The following PARP6 variants were observed in gnomAD, a reference collection of about 807,000 sequenced individuals.
PARP6 encodes protein mono-ADP-ribosyltransferase PARP6.
A neutral mutation model predicts 92.0 loss-of-function variants in PARP6; 27 were observed. That is an observed-to-expected ratio of 0.29 (90% CI 0.22 to 0.40). The LOEUF (loss-of-function observed/expected upper bound fraction) is 0.40, where lower values mean the gene tolerates loss of function less well. Among genes scored for constraint, PARP6 ranks in the 10% least tolerant of loss-of-function variants. The pLI, the probability that PARP6 is intolerant of heterozygous loss-of-function variation, is 1.00. For synonymous variants in PARP6, 272 were observed against 281.2 expected (o/e 0.97, Z 0.33); for missense variants, 501 against 784.5 (o/e 0.64, Z 4.32).
intron 9 of PARP6, among the ~76,000 whole-genome samples, chr15:72,261,017 T>TAG (rs1238608474): frequency 4.0e-5 from 6 of 151,464 alleles, no homozygotes; most frequent in Non-Finnish European, 7.4e-5. Flanking sequence ...GAAAAAAAAA[T>TAG]AGAGAGAGAG....
Position 72,249,330 on chromosome 15 carries a change from C to G in PARP6, c.1492-16G>C. The G allele has an allele frequency of 6.5e-7, 1 of 1,536,960 alleles. No individual in the cohort carries two copies. The highest frequency in any genetic ancestry group is 9.0e-7 in the Non-Finnish European group (1 of 1,116,220). ...CTCCATGCAGCTTGCAGGGAAACAC[C>G]AGGATGAGTAATATGAGCCTGGGCC... On this transcript the variant is annotated splice_polypyrimidine_tract_variant and intron_variant, in intron 19 of 23. Transcript: ENST00000569795.
At chr15:72,245,989 A>T (rs953004362) in intron 20 of PARP6, among the ~76,000 whole-genome samples, 1 of 152,216 alleles carries the variant, frequency 6.6e-6, no homozygotes, top group Non-Finnish European at 1.5e-5. Flanking sequence ...GACAAAGATA[A>T]AAAGTGAAGA....
At chr15:72,257,542 G>A in intron 12 of PARP6, 102 bp from the exon 13 acceptor site, 3 of 844,566 alleles carry the variant, frequency 3.6e-6, no homozygotes, top group Non-Finnish European at 5.9e-6. Context: ...AACAGGGTAG[G>A]AATTTGAGGC....
chr15:72,272,510 C>G lies in PARP6; in HGVS notation c.-577G>C, dbSNP rs2087596114. On this transcript the variant is annotated 5_prime_UTR_variant, in exon 1 of 24. Transcript: ENST00000569795. ...AGCCTGGCGAGTACTCACGGCGACC[C>G]CGGGCCGCGCGCGGCCGCAGCCGAC... The G allele has an allele frequency of 6.6e-6, 1 of 150,996 alleles. No homozygotes were observed. Among genetic ancestry groups the G allele is most frequent in the Admixed American group, 6.6e-5 (1 of 15,148 alleles). 9.4% of individuals were successfully genotyped at this position (150,996 alleles called of 1,614,324 possible).
intron 12 of PARP6, 110 bp from the exon 13 acceptor site, chr15:72,257,550 G>A: frequency 1.3e-6 from 1 of 794,106 alleles, no homozygotes; most frequent in East Asian, 2.5e-5. Flanking sequence ...AGGAATTTGA[G>A]GCCCTCTATA....
intron 12 of PARP6, among the ~76,000 whole-genome samples, chr15:72,257,671 G>A (rs2085310947): frequency 6.6e-6 from 1 of 152,228 alleles, no homozygotes; most frequent in Non-Finnish European, 1.5e-5. Context: ...GAAGTCAGAT[G>A]TTCTCTCACC....
intron 11 of PARP6, 70 bp downstream of exon 11, chr15:72,259,538 G>C (rs1003069409): frequency 8.5e-7 from 1 of 1,180,520 alleles, no homozygotes; most frequent in Non-Finnish European, 1.3e-6. Flanking sequence ...GAGGAGCTGG[G>C]AGGTGTTAGG....
Position 72,267,663 on chromosome 15 carries a change from GTCA to G in PARP6, c.-189_-187del. On this transcript the variant is annotated 5_prime_UTR_variant, in exon 3 of 24. Transcript: ENST00000569795. ...GGCTCTGCTGTTGCGGTGGTAACAAGTCACTGTCCTGTGGAAAGTAGATAATAA... is the reference window on the plus strand; with the variant it reads ...GGCTCTGCTGTTGCGGTGGTAACAAGCTGTCCTGTGGAAAGTAGATAATAA... 1.6e-6 allele frequency: 1 copy of G among 627,042 alleles called. No homozygotes were observed. Among genetic ancestry groups the G allele is most frequent in the Non-Finnish European group, 2.9e-6 (1 of 345,126 alleles). The allele number at this position is 627,042 out of a possible 1,614,324, so 38.8% of individuals were successfully genotyped here. A position where few individuals can be genotyped will look rare whatever the true frequency, so the allele number is the denominator to read the frequency against.
intron 10 of PARP6, 72 bp downstream of exon 10, chr15:72,260,406 G>A: frequency 1.6e-6 from 2 of 1,268,592 alleles, no homozygotes; most frequent in Non-Finnish European, 2.3e-6. Flanking sequence ...ACCCCATTTT[G>A]AGAAACTACA....
intron 2 of PARP6, 58 bp from the exon 3 acceptor site, chr15:72,267,729 T>C (rs577262308): frequency 6.0e-6 from 3 of 498,288 alleles, no homozygotes; most frequent in South Asian, 3.0e-5. Context: ...GTGGTGTATA[T>C]ATACAGGCAC....
chr15:72,254,200 A>G (rs1006252016), intron 15 of PARP6: 2 of 543,900 alleles, frequency 3.7e-6, no homozygotes, highest in Non-Finnish European at 6.6e-6. Flanking sequence ...ATGGCAAAAC[A>G]TTAAATATGA....
rs369613404 is a variant in PARP6 at position 72,250,859 on chromosome 15, G to A, written c.1404C>T (p.Ser468=). The stretch of plus-strand genomic sequence containing the variant: ...AGCCTCCTCACTGGAAGGCAAAGGT[G>A]CTGCCATAGAGCTTCTTGGCGGTCC... ...RFRTAKKLYG[S]TFAFHGSHIE... is the part of the protein sequence containing the mutation. Residue 468 remains serine (S), a synonymous_variant, in exon 18 of 24, where the codon AGC becomes AGT. Transcript: ENST00000569795. 218 of 1,605,664 alleles carry A rather than the reference G, an allele frequency of 1.4e-4. No individual in the cohort carries two copies. In the African/African-American group the frequency reaches 2.6e-3, roughly 19 times the overall value.
chr15:72,254,637 G>A (rs945412024), intron 14 of PARP6, 117 bp from the exon 15 acceptor site: 11 of 700,758 alleles, frequency 1.6e-5, no homozygotes, highest in East Asian at 2.5e-5. Context: ...ACAATAGTAT[G>A]TCATGGAAAG....
At chr15:72,262,536 T>A (rs2086031170) in intron 8 of PARP6, among the ~76,000 whole-genome samples, 1 of 152,170 alleles carries the variant, frequency 6.6e-6, no homozygotes, top group Non-Finnish European at 1.5e-5. Context: ...TGCACCTTAG[T>A]CTAGTTAACC....
chr15:72,267,453 G>T, intron 3 of PARP6, 22 bp downstream of exon 3: 10 of 1,613,198 alleles, frequency 6.2e-6, no homozygotes, highest in Non-Finnish European at 8.5e-6. Context: ...ATCAGTTGGA[G>T]AGGTGGGCAG....
rs776780634 is a variant in PARP6 at position 72,265,925 on chromosome 15, T to G, written c.148A>C (p.Ile50Leu). 1.9e-5 allele frequency: 30 copies of G among 1,613,640 alleles called. No homozygotes were observed. Among genetic ancestry groups the G allele is most frequent in the East Asian group, 2.2e-5 (1 of 44,902 alleles). Residue 50 changes from isoleucine (I) to leucine (L), a missense_variant, in exon 5 of 24, where the codon ATC becomes CTC. Ile to Leu is a conservative substitution (Grantham distance 5). Transcript: ENST00000569795. ...ATGGATACAGAGTTCTCACTGTAGA[T>G]CTCCTTCACGGCTTCAATGTCTGCA... ...LDADIEAVKE[I>L]YSENSVSIRE...
intron 3 of PARP6, 148 bp downstream of exon 3, chr15:72,267,327 C>T: frequency 1.2e-6 from 1 of 805,558 alleles, no homozygotes; most frequent in Non-Finnish European, 2.1e-6. Flanking sequence ...AATACTGTTT[C>T]TGTGCCCCTT....
rs1404200746 is a variant in PARP6, at chr15:72,255,789, T to C, written c.1125+676A>G. Among the ~76,000 whole-genome samples, 708 of 84,460 alleles carry C rather than the reference T, an allele frequency of 8.4e-3. 58 individuals are homozygous for C. Among genetic ancestry groups the C allele is most frequent in the African/African-American group, 0.014 (227 of 16,390 alleles). The allele number at this position is 84,460 out of a possible 152,430, so 55.4% of individuals were successfully genotyped here. A position where few individuals can be genotyped will look rare whatever the true frequency, so the allele number is the denominator to read the frequency against. ...TTTACATATATTACTTCTCTCTTTTTTTTTTTTTTTTTTTTTTTTTTTTTT... is the reference window on the plus strand; with the variant it reads ...TTTACATATATTACTTCTCTCTTTTCTTTTTTTTTTTTTTTTTTTTTTTTT... On this transcript the variant is annotated intron_variant, in intron 14 of 23. Coordinates refer to ENST00000569795, the MANE Select transcript of PARP6 (RefSeq NM_001323532.2).
rs563189221 is a variant in PARP6 at position 72,271,720 on chromosome 15, C to T, written c.-459-433G>A. ...TTGTTAATGAAGTAAGCAAGAAAGACCTATCTGATTTATCTAAATGAGGTA... is the reference window on the plus strand; with the variant it reads ...TTGTTAATGAAGTAAGCAAGAAAGATCTATCTGATTTATCTAAATGAGGTA... On this transcript the variant is annotated intron_variant, in intron 1 of 23. Coordinates refer to ENST00000569795, the MANE Select transcript of PARP6 (RefSeq NM_001323532.2). Among the ~76,000 whole-genome samples, 16 of 152,186 alleles carry T rather than the reference C, an allele frequency of 1.1e-4. No homozygotes were observed. The South Asian group carries it at 2.1e-3, about 20-fold the overall frequency.
Sources: allele counts gnomAD v4.1 joint callset (sites outside exome capture counted in the v4.1 genomes callset), GRCh38; gene constraint gnomAD v4.1.1; transcripts MANE v1.5; gene names NCBI Gene and HGNC (gene_info 2026-07-23, HGNC 2026-07-21).